The following ITM2C variants were observed in gnomAD, a reference collection of about 807,000 sequenced individuals.
The protein encoded by ITM2C is integral membrane protein 2C.
Under a neutral mutation model 30.0 loss-of-function variants are expected in ITM2C, and 20 were observed. That is an observed-to-expected ratio of 0.67 (90% CI 0.47 to 0.97). The LOEUF is 0.97. Among genes scored for constraint, ITM2C ranks in the 50% least tolerant of loss-of-function variants. ITM2C has a pLI of 0.00. For synonymous variants in ITM2C, 167 were observed against 156.4 expected (o/e 1.07, Z -0.51); for missense variants, 366 against 371.9 (o/e 0.98, Z 0.13).
chr2:230,865,376 C>T lies in ITM2C; in HGVS notation c.120+231C>T, dbSNP rs1475008680. 7.1e-6 allele frequency: 3 copies of T among 422,032 alleles called. No individual in the cohort carries two copies. Among genetic ancestry groups the T allele is most frequent in the Non-Finnish European group, 7.9e-6 (2 of 251,728 alleles). The allele number at this position is 422,032 out of a possible 1,614,324, so 26.1% of individuals were successfully genotyped here. On this transcript the variant is annotated intron_variant, in intron 1 of 5. Coordinates refer to ENST00000326427, the MANE Select transcript of ITM2C (RefSeq NM_030926.6). The surrounding 1 kb of genome is among the most constrained non-coding windows in gnomAD (Gnocchi z 6.8). Reference sequence around the variant, plus strand: ...TCCGAAGAGTGGGAGGCGTCTGGTTCTGGTCTTCAGGTGGAGAAGTGCTCG... The same window carrying T: ...TCCGAAGAGTGGGAGGCGTCTGGTTTTGGTCTTCAGGTGGAGAAGTGCTCG...
chr2:230,865,182 A>C lies in ITM2C; in HGVS notation c.120+37A>C. 1.5e-6 allele frequency: 2 copies of C among 1,370,894 alleles called. No homozygotes were observed. Among genetic ancestry groups the C allele is most frequent in the Non-Finnish European group, 1.9e-6 (2 of 1,052,382 alleles). 84.9% of individuals were successfully genotyped at this position (1,370,894 alleles called of 1,614,324 possible). A position where few individuals can be genotyped will look rare whatever the true frequency, so the allele number is the denominator to read the frequency against. On this transcript the variant is annotated intron_variant, in intron 1 of 5. Transcript: ENST00000326427. This position sits in a 1 kb window ranked among gnomAD's most constrained non-coding sequence, Gnocchi z 6.8. ...TGGGGCTCAGGCGGTGGGGCGGGGGACCCAGGCTCACGACCCAGGCGCGCC... is the reference window on the plus strand; with the variant it reads ...TGGGGCTCAGGCGGTGGGGCGGGGGCCCCAGGCTCACGACCCAGGCGCGCC...
Position 230,865,187 on chromosome 2 carries a change from G to A in ITM2C, c.120+42G>A, listed in dbSNP as rs550285996. The stretch of plus-strand genomic sequence containing the variant: ...CTCAGGCGGTGGGGCGGGGGACCCA[G>A]GCTCACGACCCAGGCGCGCCCCGTC... On this transcript the variant is annotated intron_variant, in intron 1 of 5. Coordinates refer to ENST00000326427, the MANE Select transcript of ITM2C (RefSeq NM_030926.6). The surrounding 1 kb of genome is among the most constrained non-coding windows in gnomAD (Gnocchi z 6.8). The A allele has an allele frequency of 2.3e-5, 32 of 1,371,328 alleles. No individual in the cohort carries two copies. The Admixed American group carries it at 9.2e-4, about 39-fold the overall frequency. The allele number at this position is 1,371,328 out of a possible 1,614,324, so 84.9% of individuals were successfully genotyped here.
At chr2:230,864,810 G>T, upstream of ITM2C, 1 of 352,966 alleles carries the variant, frequency 2.8e-6, no homozygotes, top group East Asian at 6.5e-5. The surrounding 1 kb of genome is among the most constrained non-coding windows in gnomAD (Gnocchi z 4.3). Flanking sequence ...CCCGGCAGGG[G>T]TCACTGCGGG....
Position 230,876,760 on chromosome 2 carries a change from A to G in ITM2C, c.451-97A>G, listed in dbSNP as rs12612381. 988 of 761,200 alleles carry G rather than the reference A, an allele frequency of 1.3e-3. 10 individuals are homozygous for G. The East Asian group carries it at 0.021, about 16-fold the overall frequency. 47.2% of individuals were successfully genotyped at this position (761,200 alleles called of 1,614,324 possible). On this transcript the variant is annotated intron_variant, in intron 3 of 5. Transcript: ENST00000326427. Reference sequence around the variant, plus strand: ...CTCCCAAAGTGCTGGGATTACAGGCATGAGCCACCGCGCCTGGCTGGCCAA... The same window carrying G: ...CTCCCAAAGTGCTGGGATTACAGGCGTGAGCCACCGCGCCTGGCTGGCCAA...
rs1250522218 is a variant in ITM2C at position 230,865,406 on chromosome 2, C to T, written c.120+261C>T. 1 of 371,220 alleles carries T rather than the reference C, an allele frequency of 2.7e-6. No homozygotes were observed. Among genetic ancestry groups the T allele is most frequent in the Non-Finnish European group, 4.7e-6 (1 of 211,772 alleles). 23.0% of individuals were successfully genotyped at this position (371,220 alleles called of 1,614,324 possible). Reference sequence around the variant, plus strand: ...CTTCAGGTGGAGAAGTGCTCGAGGTCTCTTCCAAAAGTGGGGGCCCCCTCG... The same window carrying T: ...CTTCAGGTGGAGAAGTGCTCGAGGTTTCTTCCAAAAGTGGGGGCCCCCTCG... On this transcript the variant is annotated intron_variant, in intron 1 of 5. Transcript: ENST00000326427. This position sits in a 1 kb window ranked among gnomAD's most constrained non-coding sequence, Gnocchi z 6.8.
intron 2 of ITM2C, 101 bp downstream of exon 2, chr2:230,873,658 C>T (rs1053258900): frequency 1.6e-6 from 2 of 1,229,918 alleles, no homozygotes; most frequent in Admixed American, 2.6e-5. Flanking sequence ...AAGCCCCAGA[C>T]ATGCCCTCAG....
Position 230,877,878 on chromosome 2 carries a change from C to G in ITM2C, c.713-130C>G. On this transcript the variant is annotated intron_variant, in intron 5 of 5. Transcript: ENST00000326427. This position sits in a 1 kb window ranked among gnomAD's most constrained non-coding sequence, Gnocchi z 4.8. ...GCTTTCGAGCTCTCCCCATTTCTCA[C>G]TGTGCTCTTTGGGTGAATCTGGGTG... The G allele has an allele frequency of 1.4e-6, 1 of 738,076 alleles. No homozygotes were observed. Among genetic ancestry groups the G allele is most frequent in the South Asian group, 1.8e-5 (1 of 55,460 alleles). 45.7% of individuals were successfully genotyped at this position (738,076 alleles called of 1,614,324 possible).
At position 230,864,980 on chromosome 2, in the gene ITM2C, C is replaced by A. The variant is rs922982686; in HGVS notation, c.-46C>A. On this transcript the variant is annotated 5_prime_UTR_variant, in exon 1 of 6. In the 5' UTR this introduces an upstream ATG that the reference lacks. Transcript: ENST00000326427. The surrounding 1 kb of genome is among the most constrained non-coding windows in gnomAD (Gnocchi z 4.3). Reference sequence around the variant, plus strand: ...GGAGCGGCGGAGGCAGAGACCGAGGCTGCACCGGCAGAGGCTGCGGGGCGG... The same window carrying A: ...GGAGCGGCGGAGGCAGAGACCGAGGATGCACCGGCAGAGGCTGCGGGGCGG... The A allele has an allele frequency of 4.2e-6, 6 of 1,420,892 alleles. No individual in the cohort carries two copies. Among genetic ancestry groups the A allele is most frequent in the Non-Finnish European group, 5.6e-6 (6 of 1,076,462 alleles). The allele number at this position is 1,420,892 out of a possible 1,614,324, so 88.0% of individuals were successfully genotyped here. A position where few individuals can be genotyped will look rare whatever the true frequency, so the allele number is the denominator to read the frequency against.
upstream of ITM2C, among the ~76,000 whole-genome samples, chr2:230,864,467 G>GGACA (rs927877484): frequency 6.6e-6 from 1 of 152,226 alleles, no homozygotes; most frequent in African/African-American, 2.4e-5. The surrounding 1 kb of genome is among the most constrained non-coding windows in gnomAD (Gnocchi z 4.3). Flanking sequence ...CCCGCGCCAA[G>GGACA]GACAGGTCGG....
At chr2:230,871,068 T>C (rs1034750084) in intron 1 of ITM2C, among the ~76,000 whole-genome samples, 1 of 152,254 alleles carries the variant, frequency 6.6e-6, no homozygotes, top group Non-Finnish European at 1.5e-5. Flanking sequence ...TACAAAGGGC[T>C]TTTAGGTTCT....
In ITM2C at chr2:230,869,606, C is replaced by T. The variant is rs565519182; in HGVS notation, c.121-3811C>T. Among the ~76,000 whole-genome samples, 30 of 152,292 alleles carry T rather than the reference C, an allele frequency of 2.0e-4. No homozygotes were observed. The South Asian group carries it at 5.6e-3, about 28-fold the overall frequency. Reference sequence around the variant, plus strand: ...GCCTCAGGAGTGCGTTTCTGGCTGCCGAACCCCTCCAGGCAGGCTGCAATC... The same window carrying T: ...GCCTCAGGAGTGCGTTTCTGGCTGCTGAACCCCTCCAGGCAGGCTGCAATC... On this transcript the variant is annotated intron_variant, in intron 1 of 5. Coordinates refer to ENST00000326427, the MANE Select transcript of ITM2C (RefSeq NM_030926.6).
At position 230,878,163 on chromosome 2, in the gene ITM2C, C is replaced by A; in HGVS notation, c.*64C>A. Reference sequence around the variant, plus strand: ...TTCTTCTTTCCGGCTGCTCTCTGGCCCTCCTCCTTCCCCCTGCTTAGCTTG... The same window carrying A: ...TTCTTCTTTCCGGCTGCTCTCTGGCACTCCTCCTTCCCCCTGCTTAGCTTG... On this transcript the variant is annotated 3_prime_UTR_variant, in exon 6 of 6. Coordinates refer to ENST00000326427, the MANE Select transcript of ITM2C (RefSeq NM_030926.6). The surrounding 1 kb of genome is among the most constrained non-coding windows in gnomAD (Gnocchi z 4.5). The A allele has an allele frequency of 1.7e-6, 2 of 1,173,622 alleles. No homozygotes were observed. The highest frequency in any genetic ancestry group is 1.2e-6 in the Non-Finnish European group (1 of 828,334). The allele number at this position is 1,173,622 out of a possible 1,614,324, so 72.7% of individuals were successfully genotyped here.
At chr2:230,866,846 G>A (rs948045961) in intron 1 of ITM2C, among the ~76,000 whole-genome samples, 2 of 152,172 alleles carry the variant, frequency 1.3e-5, no homozygotes, top group African/African-American at 2.4e-5. Context: ...GTGGGAGGGT[G>A]TTATTCCAAC....
At chr2:230,872,639 G>A (rs1455873300) in intron 1 of ITM2C, among the ~76,000 whole-genome samples, 1 of 152,164 alleles carries the variant, frequency 6.6e-6, no homozygotes, top group Non-Finnish European at 1.5e-5. Context: ...CTGGTGGATG[G>A]AAGCTTCCGG....
chr2:230,873,985 CAG>C, intron 2 of ITM2C, among the ~76,000 whole-genome samples: 1 of 152,326 alleles, frequency 6.6e-6, no homozygotes, highest in Non-Finnish European at 1.5e-5. Flanking sequence ...GGGGTGGGTA[CAG>C]AGAGTCTCCA....
At position 230,878,770 on chromosome 2, in the gene ITM2C, G is replaced by A. The variant is rs1574602056; in HGVS notation, c.*671G>A. ...GTGGAACCAAAGAAGCAAGGAGCTAGGACCCCCAGTCCTGCCCCCCAGGAG... is the reference window on the plus strand; with the variant it reads ...GTGGAACCAAAGAAGCAAGGAGCTAAGACCCCCAGTCCTGCCCCCCAGGAG... On this transcript the variant is annotated 3_prime_UTR_variant, in exon 6 of 6. Transcript: ENST00000326427. The surrounding 1 kb of genome is among the most constrained non-coding windows in gnomAD (Gnocchi z 4.5). The A allele has an allele frequency of 1.3e-5, 2 of 153,996 alleles. No individual in the cohort carries two copies. Among genetic ancestry groups the A allele is most frequent in the East Asian group, 3.8e-4 (2 of 5,232 alleles). The allele number at this position is 153,996 out of a possible 1,614,324, so 9.5% of individuals were successfully genotyped here.
Position 230,865,147 on chromosome 2 carries a change from TGA to T in ITM2C, c.120+6_120+7del. 1 of 1,458,210 alleles carries T rather than the reference TGA, an allele frequency of 6.9e-7. No individual in the cohort carries two copies. 90.3% of individuals were successfully genotyped at this position (1,458,210 alleles called of 1,614,324 possible). Reference sequence around the variant, plus strand: ...GAGATCCTGCTGACGCCGGCTAGGGTGAGAGGGTCTGGGGCTCAGGCGGTGGG... The same window carrying T: ...GAGATCCTGCTGACGCCGGCTAGGGTGAGGGTCTGGGGCTCAGGCGGTGGG... On this transcript the variant is annotated splice_donor_region_variant and intron_variant, in intron 1 of 5. Coordinates refer to ENST00000326427, the MANE Select transcript of ITM2C (RefSeq NM_030926.6). The surrounding 1 kb of genome is among the most constrained non-coding windows in gnomAD (Gnocchi z 6.8).
intron 3 of ITM2C, 117 bp from the exon 4 acceptor site, chr2:230,876,739 CA>C (rs1345929950): frequency 3.0e-6 from 2 of 659,380 alleles, no homozygotes; most frequent in African/African-American, 3.6e-5. Context: ...CTCAGCCTCC[CA>C]AAGTGCTGGG....
intron 2 of ITM2C, among the ~76,000 whole-genome samples, chr2:230,873,998 C>T (rs954132264): frequency 9.2e-5 from 14 of 152,234 alleles, no homozygotes; most frequent in African/African-American, 3.4e-4. Context: ...AGAGTCTCCA[C>T]CACCTCCTTC....
Sources: allele counts gnomAD v4.1 joint callset (sites outside exome capture counted in the v4.1 genomes callset), GRCh38; gene constraint gnomAD v4.1.1; non-coding constraint Gnocchi (gnomAD v3.1); transcripts MANE v1.5; gene names NCBI Gene and HGNC (gene_info 2026-07-23, HGNC 2026-07-21).